Variants in DCC observed in about 807,000 individuals in gnomAD.
The protein encoded by DCC is netrin receptor DCC.
A neutral mutation model predicts 172.5 loss-of-function variants in DCC; 58 were observed. The observed-to-expected ratio is 0.34, with a 90% CI of 0.27 to 0.42. The LOEUF (loss-of-function observed/expected upper bound fraction) is 0.42. DCC is among the 10% of genes least tolerant of loss of function. The probability of loss-of-function intolerance (pLI) is 1.00; values close to 1 mark genes in which losing one functional copy is unlikely to be tolerated. For missense variants in DCC, 1,740 were observed against 1,791.0 expected (o/e 0.97, Z 0.51); for synonymous variants, 709 against 644.5 (o/e 1.10, Z -1.52).
At chr18:53,253,478 A>T (rs916378844) in intron 12 of DCC, among the ~76,000 whole-genome samples, 1 of 152,084 alleles carries the variant, frequency 6.6e-6, no homozygotes. Flanking sequence ...GGTGATTCTG[A>T]ATGTCCTCTT....
At chr18:53,497,729 G>A (rs987966857) in intron 26 of DCC, among the ~76,000 whole-genome samples, 2 of 152,076 alleles carry the variant, frequency 1.3e-5, no homozygotes, top group East Asian at 3.9e-4. Flanking sequence ...CTAAAGCCTC[G>A]CATCTGAAAG....
chr18:52,868,237 T>G (rs1268518417), intron 2 of DCC, among the ~76,000 whole-genome samples: 1 of 152,130 alleles, frequency 6.6e-6, no homozygotes, highest in African/African-American at 2.4e-5. Flanking sequence ...AGCAGCCTAA[T>G]AGCCTTTTCA....
chr18:53,105,208 G>T (rs1175189389), intron 7 of DCC, among the ~76,000 whole-genome samples: 3 of 152,010 alleles, frequency 2.0e-5, no homozygotes. Flanking sequence ...GCTATTTCTT[G>T]ACACAGAATT....
At chr18:53,243,763 A>G (rs1189140895) in intron 12 of DCC, among the ~76,000 whole-genome samples, 2 of 152,184 alleles carry the variant, frequency 1.3e-5, no homozygotes, top group Non-Finnish European at 1.5e-5. Flanking sequence ...GGGTCACTCA[A>G]CTGAAGTGAA....
intron 9 of DCC, among the ~76,000 whole-genome samples, chr18:53,192,465 TA>T (rs1320493668): frequency 1.3e-5 from 2 of 152,058 alleles, no homozygotes; most frequent in East Asian, 3.9e-4. Flanking sequence ...TTTGAGTCCC[TA>T]AAAAAAGATC....
At chr18:52,412,261 CT>C (rs1986869775) in intron 1 of DCC, among the ~76,000 whole-genome samples, 1 of 152,076 alleles carries the variant, frequency 6.6e-6, no homozygotes, top group Admixed American at 6.6e-5. Flanking sequence ...ACCTGTATAT[CT>C]GTCTGTATAC....
intron 23 of DCC, among the ~76,000 whole-genome samples, chr18:53,455,260 A>G (rs149552533): frequency 1.3e-5 from 2 of 152,334 alleles, no homozygotes; most frequent in African/African-American, 4.8e-5. Context: ...TTGTCTGCCT[A>G]ATAAAGTTGG....
intron 1 of DCC, among the ~76,000 whole-genome samples, chr18:52,686,911 T>A (rs8090531): frequency 0.88 from 133,171 of 152,012 alleles, 58,485 homozygotes; most frequent in African/African-American, 0.92. Context: ...GATCTGTGTA[T>A]TCTGACTTGA....
At chr18:53,266,701 A>G (rs4939728) in intron 12 of DCC, among the ~76,000 whole-genome samples, 49,728 of 151,668 alleles carry the variant, frequency 0.33, 10,214 homozygotes, top group South Asian at 0.58. Flanking sequence ...CACTTCAGCC[A>G]TAGGTAACCA....
chr18:52,729,406 C>G (rs1259172344), intron 1 of DCC, among the ~76,000 whole-genome samples: 1 of 152,178 alleles, frequency 6.6e-6, no homozygotes, highest in East Asian at 1.9e-4. Context: ...ATTACAGGTG[C>G]CCACCACTGC....
chr18:52,993,894 G>A (rs1334460554), intron 5 of DCC, among the ~76,000 whole-genome samples: 1 of 151,776 alleles, frequency 6.6e-6, no homozygotes, highest in South Asian at 2.1e-4. Context: ...ATTAAGATAA[G>A]TAAGGAGTTT....
chr18:53,524,227 C>T (rs1214356112), intron 27 of DCC, among the ~76,000 whole-genome samples: 3 of 151,414 alleles, frequency 2.0e-5, no homozygotes, highest in Non-Finnish European at 4.4e-5. Context: ...TGTATCAAAA[C>T]ATTGTTTTAC....
At chr18:53,038,612 G>A (rs1215723109) in intron 5 of DCC, among the ~76,000 whole-genome samples, 3 of 151,956 alleles carry the variant, frequency 2.0e-5, no homozygotes, top group East Asian at 3.9e-4. Context: ...TCACTTTACA[G>A]ATGAAAGCTG....
At chr18:52,343,105 T>C (rs1284819103) in intron 1 of DCC, among the ~76,000 whole-genome samples, 1 of 152,256 alleles carries the variant, frequency 6.6e-6, no homozygotes, top group Non-Finnish European at 1.5e-5. Flanking sequence ...TGAGTCGTGA[T>C]GCAGTTTGCG....
Position 53,159,992 on chromosome 18 carries a change from G to A in DCC, c.1418+2480G>A, listed in dbSNP as rs1038595877. ...AATGTGGAAAAGAAGTTGAAATTTA[G>A]GCTCAAAGTATAGGAAGAAGGAGGA... On this transcript the variant is annotated intron_variant, in intron 8 of 28. Coordinates refer to ENST00000442544, the MANE Select transcript of DCC (RefSeq NM_005215.4). Among the ~76,000 whole-genome samples, 3 of 152,052 alleles carry A rather than the reference G, an allele frequency of 2.0e-5. 1 individual carries two copies. Among genetic ancestry groups the A allele is most frequent in the Non-Finnish European group, 4.4e-5 (3 of 68,018 alleles).
intron 15 of DCC, among the ~76,000 whole-genome samples, chr18:53,351,719 A>T (rs1454269191): frequency 6.6e-6 from 1 of 151,494 alleles, no homozygotes; most frequent in African/African-American, 2.4e-5. Context: ...TTTCTTCATC[A>T]TCTCTGTTTT....
chr18:52,864,281 A>G (rs2039187313), intron 2 of DCC, among the ~76,000 whole-genome samples: 1 of 152,188 alleles, frequency 6.6e-6, no homozygotes, highest in Non-Finnish European at 1.5e-5. Context: ...GCATAGAGAG[A>G]TTTTAAGCTT....
At chr18:52,488,243 A>G (rs1386598157) in intron 1 of DCC, among the ~76,000 whole-genome samples, 1 of 152,100 alleles carries the variant, frequency 6.6e-6, no homozygotes, top group Non-Finnish European at 1.5e-5. Context: ...AAATGCTCCA[A>G]TAGTCTTTAA....
chr18:53,291,698 T>A (rs967000949), intron 12 of DCC, among the ~76,000 whole-genome samples: 10 of 152,164 alleles, frequency 6.6e-5, no homozygotes, highest in Non-Finnish European at 1.3e-4. Flanking sequence ...CTTTTAGTAG[T>A]TTTATTTAGT....
Sources: gnomAD v4.1 joint callset for allele counts (sites outside exome capture counted in the v4.1 genomes callset) on GRCh38, gnomAD v4.1.1 for gene constraint, MANE v1.5 for transcripts, NCBI Gene and HGNC (gene_info 2026-07-23, HGNC 2026-07-21) for gene names.